Variants in TNIK observed in about 807,000 individuals in gnomAD.
The protein encoded by TNIK is TRAF2 and NCK interacting kinase, also known as TRAF2 and NCK-interacting protein kinase.
In TNIK, 49 loss-of-function variants were observed where a neutral mutation model predicts 191.3. The observed-to-expected ratio is 0.26, with a 90% CI of 0.20 to 0.32. TNIK has a LOEUF of 0.32. Among genes scored for constraint, TNIK ranks in the 10% least tolerant of loss-of-function variants. The pLI, the probability that TNIK is intolerant of heterozygous loss-of-function variation, is 1.00. For missense variants in TNIK, 1,155 were observed against 1,702.3 expected (o/e 0.68, Z 5.66); for synonymous variants, 594 against 600.9 (o/e 0.99, Z 0.17).
chr3:171,228,099 T>C, intron 3 of TNIK, 66 bp downstream of exon 3: 1 of 1,541,246 alleles, frequency 6.5e-7, no homozygotes, highest in South Asian at 1.1e-5. Flanking sequence ...CCTATCAGGA[T>C]GTGAACTCAT....
At chr3:171,270,025 C>G (rs1244157737) in intron 2 of TNIK, among the ~76,000 whole-genome samples, 1 of 152,128 alleles carries the variant, frequency 6.6e-6, no homozygotes, top group East Asian at 1.9e-4. Flanking sequence ...AGAAAATAAA[C>G]TCACACACCC....
intron 1 of TNIK, among the ~76,000 whole-genome samples, chr3:171,379,106 T>C (rs901962686): frequency 2.6e-5 from 4 of 152,210 alleles, no homozygotes; most frequent in Admixed American, 2.6e-4. Context: ...TTAGTGCACA[T>C]GGCCAGTTTG....
At chr3:171,328,143 C>A (rs1756016757) in intron 2 of TNIK, among the ~76,000 whole-genome samples, 1 of 152,116 alleles carries the variant, frequency 6.6e-6, no homozygotes, top group Non-Finnish European at 1.5e-5. Context: ...CACAAAGGCT[C>A]TGCCCTCATA....
chr3:171,413,982 C>T (rs1241890711), intron 1 of TNIK, among the ~76,000 whole-genome samples: 1 of 152,090 alleles, frequency 6.6e-6, no homozygotes, highest in East Asian at 1.9e-4. Flanking sequence ...TTATCACTAC[C>T]CATTTCTCAC....
At chr3:171,284,619 T>A (rs919289871) in intron 2 of TNIK, among the ~76,000 whole-genome samples, 12 of 149,942 alleles carry the variant, frequency 8.0e-5, no homozygotes, top group African/African-American at 1.5e-4. Flanking sequence ...AAAAAAAAAA[T>A]AAAAAATAAA....
At chr3:171,125,815 T>C in intron 17 of TNIK, 97 bp downstream of exon 17, 1 of 1,525,332 alleles carries the variant, frequency 6.6e-7, no homozygotes, top group Non-Finnish European at 8.9e-7. Context: ...TGCTTTGGCA[T>C]GATCACATTC....
chr3:171,341,708 T>A (rs1040558309), intron 2 of TNIK, among the ~76,000 whole-genome samples: 22 of 152,154 alleles, frequency 1.4e-4, no homozygotes, highest in African/African-American at 4.6e-4. Context: ...TATCAGGCAC[T>A]GGTCTACGCA....
chr3:171,392,590 G>T (rs1258865870), intron 1 of TNIK, among the ~76,000 whole-genome samples: 1 of 151,874 alleles, frequency 6.6e-6, no homozygotes, highest in African/African-American at 2.4e-5. Context: ...GACCAGCCTG[G>T]CCAACATGGC....
chr3:171,258,081 CT>C lies in TNIK; in HGVS notation c.124-29861del, dbSNP rs1747107852. ...TTCCACCACAGTGATGATGGATGCC[CT>C]GCGATCTCATGAAGAATAATGACAG... On this transcript the variant is annotated intron_variant, in intron 2 of 32. Coordinates refer to ENST00000436636, the MANE Select transcript of TNIK (RefSeq NM_015028.4). Among the ~76,000 whole-genome samples the C allele has an allele frequency of 5.9e-5, 9 of 152,242 alleles. No homozygotes were observed. In the South Asian group the frequency reaches 1.7e-3, roughly 28 times the overall value.
chr3:171,133,473 G>C (rs1386840316), intron 15 of TNIK, among the ~76,000 whole-genome samples: 2 of 152,162 alleles, frequency 1.3e-5, no homozygotes, highest in African/African-American at 4.8e-5. Context: ...ATTTGAATTT[G>C]TGTAGTATGT....
rs1721045893 is a variant in TNIK, at chr3:171,084,143, GC to G, written c.3169+11del. 1 of 1,418,476 alleles carries G rather than the reference GC, an allele frequency of 7.0e-7. No homozygotes were observed. The highest frequency in any genetic ancestry group is 2.6e-5 in the East Asian group (1 of 38,368). The allele number at this position is 1,418,476 out of a possible 1,614,324, so 87.9% of individuals were successfully genotyped here. ...TTATTTAAAAAAAAAAAAAAAAAAA[GC>G]ACCAACATACCCCACAGAGCTGCAC... On this transcript the variant is annotated intron_variant, in intron 26 of 32. Coordinates refer to ENST00000436636, the MANE Select transcript of TNIK (RefSeq NM_015028.4).
intron 1 of TNIK, among the ~76,000 whole-genome samples, chr3:171,456,914 C>G (rs371334188): frequency 1.6e-4 from 24 of 152,280 alleles, no homozygotes; most frequent in African/African-American, 5.1e-4. Flanking sequence ...TTCCTCAAAC[C>G]ACGCTCCTCG....
At chr3:171,272,186 G>A (rs1749186949) in intron 2 of TNIK, among the ~76,000 whole-genome samples, 1 of 152,166 alleles carries the variant, frequency 6.6e-6, no homozygotes, top group Non-Finnish European at 1.5e-5. Context: ...GACTGTCTTT[G>A]ACTTTCCCCC....
intron 2 of TNIK, among the ~76,000 whole-genome samples, chr3:171,331,827 C>T (rs1411764051): frequency 6.6e-6 from 1 of 152,144 alleles, no homozygotes; most frequent in South Asian, 2.1e-4. Context: ...TCTTTGAACG[C>T]CTCTTTTACA....
intron 9 of TNIK, among the ~76,000 whole-genome samples, chr3:171,170,957 T>C (rs1735203082): frequency 6.6e-6 from 1 of 151,996 alleles, no homozygotes; most frequent in Non-Finnish European, 1.5e-5. Flanking sequence ...GAGGCTGAGG[T>C]GGGAGGATCA....
At chr3:171,352,693 A>T (rs530379711) in intron 2 of TNIK, among the ~76,000 whole-genome samples, 2 of 152,228 alleles carry the variant, frequency 1.3e-5, no homozygotes, top group African/African-American at 4.8e-5. Context: ...TGTGATTAGC[A>T]TATCAACAAG....
chr3:171,452,178 G>A (rs1463364492), intron 1 of TNIK, among the ~76,000 whole-genome samples: 1 of 152,014 alleles, frequency 6.6e-6, no homozygotes, highest in Non-Finnish European at 1.5e-5. Context: ...TCAAAAACTA[G>A]AACAACACTT....
At position 171,238,227 on chromosome 3, in the gene TNIK, C is replaced by CA. The variant is rs531826905; in HGVS notation, c.124-10007dup. ...TGGCTCTTACATATTCATAATCTTT[C>CA]AAAAAAATTCATAAAATTCAAAAAA... On this transcript the variant is annotated intron_variant, in intron 2 of 32. Coordinates refer to ENST00000436636, the MANE Select transcript of TNIK (RefSeq NM_015028.4). Among the ~76,000 whole-genome samples, 454 of 151,398 alleles carry CA rather than the reference C, an allele frequency of 3.0e-3. 1 individual carries two copies. The highest frequency in any genetic ancestry group is 0.01 in the African/African-American group (432 of 41,246).
chr3:171,344,144 C>T (rs959349297), intron 2 of TNIK, among the ~76,000 whole-genome samples: 3 of 152,162 alleles, frequency 2.0e-5, no homozygotes, highest in African/African-American at 7.2e-5. Flanking sequence ...CCATATCTTG[C>T]CCCTGTTTGC....
Sources: gnomAD v4.1 joint callset for allele counts (sites outside exome capture counted in the v4.1 genomes callset) on GRCh38, gnomAD v4.1.1 for gene constraint, MANE v1.5 for transcripts, NCBI Gene and HGNC (gene_info 2026-07-23, HGNC 2026-07-21) for gene names.